Variants in KCTD16 observed in about 807,000 individuals in gnomAD.
KCTD16 encodes the protein BTB/POZ domain-containing protein KCTD16.
Under a neutral mutation model 33.2 loss-of-function variants are expected in KCTD16, and 13 were observed. That is an observed-to-expected ratio of 0.39 (90% CI 0.25 to 0.62). The LOEUF (loss-of-function observed/expected upper bound fraction) is 0.62. Among genes scored for constraint, KCTD16 ranks in the 20% least tolerant of loss-of-function variants. KCTD16 has a pLI of 0.50. For missense variants in KCTD16, 441 were observed against 525.1 expected (o/e 0.84, Z 1.57); for synonymous variants, 197 against 195.3 (o/e 1.01, Z -0.07).
chr5:144,367,454 CTTATA>C (rs1258058064), intron 3 of KCTD16, among the ~76,000 whole-genome samples: 1 of 151,984 alleles, frequency 6.6e-6, no homozygotes, highest in African/African-American at 2.4e-5. Context: ...TTCTTTTTAA[CTTATA>C]TTTTATTAAG....
At chr5:144,174,726 A>C (rs1752465290) in intron 2 of KCTD16, among the ~76,000 whole-genome samples, 1 of 152,232 alleles carries the variant, frequency 6.6e-6, no homozygotes, top group African/African-American at 2.4e-5. Flanking sequence ...CTGGTTTTTA[A>C]AAGGCAAAGA....
intron 3 of KCTD16, among the ~76,000 whole-genome samples, chr5:144,447,064 C>A (rs573151179): frequency 8.0e-4 from 122 of 152,206 alleles, no homozygotes; most frequent in Non-Finnish European, 1.4e-3. Flanking sequence ...TGAGTATATA[C>A]CCAAAGGATT....
rs2127008171 is a variant in KCTD16 at position 144,482,280 on chromosome 5, G to A, written c.*8166G>A. ...GTAAAGAAAGGGCAGATTTGCTACA[G>A]CTTGTACTTTATGCCACAAAAATTT... is the stretch of plus-strand genomic sequence containing the variant. On this transcript the variant is annotated 3_prime_UTR_variant, in exon 4 of 4. Coordinates refer to ENST00000512467, the MANE Select transcript of KCTD16 (RefSeq NM_020768.4). The A allele has an allele frequency of 6.6e-6, 1 of 151,992 alleles. No individual in the cohort carries two copies. Among genetic ancestry groups the A allele is most frequent in the East Asian group, 1.9e-4 (1 of 5,148 alleles). 9.4% of individuals were successfully genotyped at this position (151,992 alleles called of 1,614,324 possible).
intron 2 of KCTD16, among the ~76,000 whole-genome samples, chr5:144,197,996 T>C (rs1343534510): frequency 6.6e-6 from 1 of 152,196 alleles, no homozygotes; most frequent in Non-Finnish European, 1.5e-5. Context: ...TTTTTTTCCA[T>C]TCCAATTTGA....
At chr5:144,340,820 C>G (rs1417813840) in intron 3 of KCTD16, among the ~76,000 whole-genome samples, 1 of 151,952 alleles carries the variant, frequency 6.6e-6, no homozygotes, top group Non-Finnish European at 1.5e-5. Context: ...GAGGCCGAGG[C>G]AGATGGATCA....
rs1218378430 is a variant in KCTD16 at position 144,204,749 on chromosome 5, G to C, written c.-326-1640G>C. Among the ~76,000 whole-genome samples, 4 of 152,142 alleles carry C rather than the reference G, an allele frequency of 2.6e-5. No individual in the cohort carries two copies. The East Asian group carries it at 7.7e-4, about 29-fold the overall frequency. ...AAGAGCATCATTAATTTCAGAGAGA[G>C]TGTTTATGTATCTACCTATTTACAT... On this transcript the variant is annotated intron_variant, in intron 2 of 3. Coordinates refer to ENST00000512467, the MANE Select transcript of KCTD16 (RefSeq NM_020768.4).
chr5:144,473,138 A>AT (rs1452588679), intron 3 of KCTD16, among the ~76,000 whole-genome samples: 2 of 152,170 alleles, frequency 1.3e-5, no homozygotes. Context: ...GGTTACTGTC[A>AT]TTCTGCTTTC....
At chr5:144,194,544 C>A (rs568975372) in intron 2 of KCTD16, among the ~76,000 whole-genome samples, 2 of 152,296 alleles carry the variant, frequency 1.3e-5, no homozygotes, top group Non-Finnish European at 2.9e-5. Flanking sequence ...GGAGAGAATT[C>A]ATTTTTAAAA....
chr5:144,271,675 A>T (rs1755297692), intron 3 of KCTD16, among the ~76,000 whole-genome samples: 2 of 152,094 alleles, frequency 1.3e-5, no homozygotes, highest in Admixed American at 6.6e-5. Flanking sequence ...AAAAATAAAT[A>T]AAAAGCATCT....
chr5:144,334,197 T>G (rs1457900689), intron 3 of KCTD16, among the ~76,000 whole-genome samples: 1 of 152,148 alleles, frequency 6.6e-6, no homozygotes, highest in Non-Finnish European at 1.5e-5. Flanking sequence ...AAATCTCCAC[T>G]CAGAGTTGAC....
chr5:144,478,642 T>C lies in KCTD16; in HGVS notation c.*4528T>C, dbSNP rs1205354127. The C allele has an allele frequency of 6.6e-6, 1 of 152,092 alleles. No individual in the cohort carries two copies. The highest frequency in any genetic ancestry group is 1.5e-5 in the Non-Finnish European group (1 of 67,960). 9.4% of individuals were successfully genotyped at this position (152,092 alleles called of 1,614,324 possible). A position where few individuals can be genotyped will look rare whatever the true frequency, so the allele number is the denominator to read the frequency against. On this transcript the variant is annotated 3_prime_UTR_variant, in exon 4 of 4. Transcript: ENST00000512467. ...TTTGAGCTAGTCTCCTTAATAATTT[T>C]GATGAGGATTGTCTATAGACCTTAC... is the stretch of plus-strand genomic sequence containing the variant.
chr5:144,421,413 G>C (rs1388317896), intron 3 of KCTD16, among the ~76,000 whole-genome samples: 3 of 152,064 alleles, frequency 2.0e-5, no homozygotes, highest in Non-Finnish European at 4.4e-5. Flanking sequence ...ACTTGCATGG[G>C]TTGATTTATA....
chr5:144,449,401 C>T (rs953548937), intron 3 of KCTD16, among the ~76,000 whole-genome samples: 2 of 151,852 alleles, frequency 1.3e-5, no homozygotes, highest in Non-Finnish European at 2.9e-5. Context: ...AAAAAAAATA[C>T]TAAAATCCAT....
chr5:144,375,014 ATC>A (rs757995244), intron 3 of KCTD16, among the ~76,000 whole-genome samples: 5 of 152,178 alleles, frequency 3.3e-5, no homozygotes, highest in Non-Finnish European at 7.3e-5. Flanking sequence ...TTATTGCAAC[ATC>A]TCTTAGGTCA....
chr5:144,445,753 T>C (rs2126980739), intron 3 of KCTD16, among the ~76,000 whole-genome samples: 1 of 151,974 alleles, frequency 6.6e-6, no homozygotes, highest in East Asian at 1.9e-4. Context: ...TTTTGTTTCA[T>C]TATGGTCTCT....
intron 3 of KCTD16, among the ~76,000 whole-genome samples, chr5:144,273,938 A>G (rs1177131224): frequency 6.6e-6 from 1 of 151,452 alleles, no homozygotes; most frequent in Non-Finnish European, 1.5e-5. Flanking sequence ...GGTAAACTTT[A>G]TGTTATGTGT....
At chr5:144,321,921 CTAAT>C (rs1752082442) in intron 3 of KCTD16, among the ~76,000 whole-genome samples, 1 of 152,006 alleles carries the variant, frequency 6.6e-6, no homozygotes, top group Non-Finnish European at 1.5e-5. Context: ...TTTTACCTAA[CTAAT>C]CAGGTAAAAA....
chr5:144,376,290 T>C (rs1752091978), intron 3 of KCTD16, among the ~76,000 whole-genome samples: 1 of 152,182 alleles, frequency 6.6e-6, no homozygotes, highest in Non-Finnish European at 1.5e-5. Context: ...TTGTATACTT[T>C]ATTTATGAAA....
intron 3 of KCTD16, among the ~76,000 whole-genome samples, chr5:144,268,676 G>T (rs565891559): frequency 1.3e-5 from 2 of 152,040 alleles, no homozygotes; most frequent in Non-Finnish European, 2.9e-5. Flanking sequence ...TCCAAAAAAA[G>T]ATAATGACAA....
Sources: gnomAD v4.1 joint callset for allele counts (sites outside exome capture counted in the v4.1 genomes callset) on GRCh38, gnomAD v4.1.1 for gene constraint, MANE v1.5 for transcripts, NCBI Gene and HGNC (gene_info 2026-07-23, HGNC 2026-07-21) for gene names.